The following ETS1 variants were observed in gnomAD, a reference collection of about 807,000 sequenced individuals.
ETS1 encodes the protein ETS proto-oncogene 1, transcription factor.
In ETS1, 15 loss-of-function variants were observed where a neutral mutation model predicts 58.6. The ratio of observed to expected loss-of-function variants is 0.26; its 90% CI spans 0.17 to 0.39. The LOEUF is 0.39. Ranked by LOEUF, ETS1 falls within the 10% of genes least tolerant of loss-of-function variation. ETS1 has a pLI of 1.00. For synonymous variants in ETS1, 214 were observed against 218.2 expected (o/e 0.98, Z 0.17); for missense variants, 417 against 610.5 (o/e 0.68, Z 3.34).
intron 3 of ETS1, among the ~76,000 whole-genome samples, chr11:128,509,123 G>A (rs1388527619): frequency 1.3e-5 from 2 of 152,178 alleles, no homozygotes; most frequent in African/African-American, 4.8e-5. Flanking sequence ...AAATTTCAAA[G>A]TTCTTTCATC....
At chr11:128,585,307 G>GGAA (rs1491391734) in intron 1 of ETS1, among the ~76,000 whole-genome samples, 25 of 125,630 alleles carry the variant, frequency 2.0e-4, no homozygotes, top group African/African-American at 7.3e-4. Flanking sequence ...AGGGAGGGAA[G>GGAA]GGAGGGAAGA....
chr11:128,485,964 T>C (rs1122832), intron 6 of ETS1, 105 bp downstream of exon 6: 152,222 of 706,850 alleles, frequency 0.22, 18,355 homozygotes, highest in Non-Finnish European at 0.26. Flanking sequence ...TAAGAAGATA[T>C]TATTTTTGAT....
intron 8 of ETS1, among the ~76,000 whole-genome samples, chr11:128,477,324 T>C (rs1407412663): frequency 6.6e-6 from 1 of 152,092 alleles, no homozygotes; most frequent in Non-Finnish European, 1.5e-5. Flanking sequence ...AGTGTGACTT[T>C]TACAAGCAAT....
chr11:128,532,421 A>G (rs1306208913), intron 3 of ETS1, among the ~76,000 whole-genome samples: 1 of 152,228 alleles, frequency 6.6e-6, no homozygotes, highest in South Asian at 2.1e-4. Context: ...CCAGCCATTA[A>G]GCCTGGCAGC....
At chr11:128,467,373 A>C (rs1862067726) in intron 8 of ETS1, among the ~76,000 whole-genome samples, 1 of 152,210 alleles carries the variant, frequency 6.6e-6, no homozygotes, top group African/African-American at 2.4e-5. Flanking sequence ...CTCACACCCA[A>C]GATTGGTGCA....
At chr11:128,489,216 A>G (rs1862726970) in intron 5 of ETS1, 74 bp downstream of exon 5, 1 of 1,317,600 alleles carries the variant, frequency 7.6e-7, no homozygotes. Context: ...ACGTCCCACC[A>G]TTGGGTGAGC....
chr11:128,571,536 A>C lies in ETS1; in HGVS notation c.69+1526T>G, dbSNP rs1864634197. The stretch of plus-strand genomic sequence containing the variant: ...AAAAAAAAAAAAAAAAAAAAAAAAA[A>C]AAAAAAACTTCAAACAATTCAGGTC... On this transcript the variant is annotated intron_variant, in intron 2 of 9. Coordinates refer to ENST00000392668, the MANE Select transcript of ETS1 (RefSeq NM_001143820.2). Among the ~76,000 whole-genome samples the C allele has an allele frequency of 3.0e-5, 4 of 133,352 alleles. No homozygotes were observed. In the Admixed American group the frequency reaches 3.1e-4, roughly 10 times the overall value. 87.5% of individuals were successfully genotyped at this position (133,352 alleles called of 152,430 possible).
At chr11:128,496,850 A>C (rs1459792254) in intron 3 of ETS1, among the ~76,000 whole-genome samples, 3 of 152,192 alleles carry the variant, frequency 2.0e-5, no homozygotes, top group African/African-American at 7.2e-5. Context: ...AATGCAAAGA[A>C]GGGAGGGAAG....
intron 1 of ETS1, among the ~76,000 whole-genome samples, chr11:128,577,228 G>C (rs1209150824): frequency 6.6e-6 from 1 of 152,198 alleles, no homozygotes; most frequent in African/African-American, 2.4e-5. Context: ...TCAAAATAGA[G>C]AATCTGAATA....
At chr11:128,509,628 G>C (rs1358388232) in intron 3 of ETS1, among the ~76,000 whole-genome samples, 1 of 147,910 alleles carries the variant, frequency 6.8e-6, no homozygotes, top group African/African-American at 2.5e-5. Context: ...AGTGAAATGA[G>C]TGCGTTCTTC....
At chr11:128,543,085 C>T (rs1237577979) in intron 3 of ETS1, among the ~76,000 whole-genome samples, 4 of 151,364 alleles carry the variant, frequency 2.6e-5, no homozygotes, top group Non-Finnish European at 4.4e-5. Context: ...CCCAGCTACT[C>T]GGGAGGCTGA....
In ETS1 at chr11:128,582,530, C is replaced by G. The variant is rs143873016; in HGVS notation, c.-15+4958G>C. On this transcript the variant is annotated intron_variant, in intron 1 of 9. Coordinates refer to ENST00000392668, the MANE Select transcript of ETS1 (RefSeq NM_001143820.2). Reference sequence around the variant, plus strand: ...TATATTAATTACTTTTTTCTACTGCCCAACATGGCAGAGGTTATTTAAGTG... The same window carrying G: ...TATATTAATTACTTTTTTCTACTGCGCAACATGGCAGAGGTTATTTAAGTG... Among the ~76,000 whole-genome samples the G allele has an allele frequency of 3.3e-3, 506 of 151,986 alleles. 3 individuals are homozygous for G. The highest frequency in any genetic ancestry group is 0.011 in the African/African-American group (470 of 41,436).
chr11:128,552,160 G>T (rs931124100), intron 3 of ETS1, among the ~76,000 whole-genome samples: 11 of 152,046 alleles, frequency 7.2e-5, no homozygotes, highest in African/African-American at 2.4e-4. Flanking sequence ...CCGGAAACTG[G>T]GTTACAAGAT....
At chr11:128,471,651 G>C (rs1053576584) in intron 8 of ETS1, among the ~76,000 whole-genome samples, 1 of 152,198 alleles carries the variant, frequency 6.6e-6, no homozygotes, top group Non-Finnish European at 1.5e-5. Flanking sequence ...AGTCACCAGA[G>C]ATGGGTTAGG....
chr11:128,538,057 G>A (rs2135538750), intron 3 of ETS1, among the ~76,000 whole-genome samples: 1 of 152,188 alleles, frequency 6.6e-6, no homozygotes, highest in East Asian at 1.9e-4. Flanking sequence ...GGTAAATTCA[G>A]TAGATTTGGG....
chr11:128,486,714 C>A (rs913027854), intron 5 of ETS1, among the ~76,000 whole-genome samples: 1 of 152,164 alleles, frequency 6.6e-6, no homozygotes, highest in Non-Finnish European at 1.5e-5. Flanking sequence ...TGGTGAAATG[C>A]GACTGCGCTT....
chr11:128,537,343 G>A (rs1863985736), intron 3 of ETS1, among the ~76,000 whole-genome samples: 1 of 152,058 alleles, frequency 6.6e-6, no homozygotes, highest in South Asian at 2.1e-4. Flanking sequence ...GCATGGCATG[G>A]TGAATAAAGA....
intron 3 of ETS1, among the ~76,000 whole-genome samples, chr11:128,532,455 C>T (rs1333980367): frequency 6.6e-6 from 1 of 152,226 alleles, no homozygotes; most frequent in Non-Finnish European, 1.5e-5. Context: ...AGTCTTCTCG[C>T]TAGTTGCCCG....
chr11:128,507,854 A>C (rs749230728), intron 3 of ETS1, among the ~76,000 whole-genome samples: 21 of 152,276 alleles, frequency 1.4e-4, no homozygotes, highest in Non-Finnish European at 2.5e-4. Flanking sequence ...TCAAGTACAG[A>C]GTTTTTCTCC....
Sources: gnomAD v4.1 joint callset for allele counts (sites outside exome capture counted in the v4.1 genomes callset) on GRCh38, gnomAD v4.1.1 for gene constraint, MANE v1.5 for transcripts, NCBI Gene and HGNC (gene_info 2026-07-23, HGNC 2026-07-21) for gene names.